EPN2: variants seen among roughly 807,000 people sequenced by gnomAD.
EPN2 encodes the protein epsin-2.
In EPN2, 34 loss-of-function variants were observed where a neutral mutation model predicts 61.7. That is an observed-to-expected ratio of 0.55 (90% CI 0.42 to 0.73). The LOEUF (loss-of-function observed/expected upper bound fraction) is 0.73. Among genes scored for constraint, EPN2 ranks in the 30% least tolerant of loss-of-function variants. The pLI is 0.00. For synonymous variants in EPN2, 349 were observed against 353.6 expected (o/e 0.99, Z 0.15); for missense variants, 714 against 839.2 (o/e 0.85, Z 1.84).
At chr17:19,239,645 A>T (rs920746863) in intron 1 of EPN2, among the ~76,000 whole-genome samples, 9 of 152,226 alleles carry the variant, frequency 5.9e-5, no homozygotes, top group African/African-American at 2.2e-4. Context: ...ACTGCGTCCC[A>T]CAAGTCCCCG....
chr17:19,307,819 A>T, intron 4 of EPN2: 1 of 767,702 alleles, frequency 1.3e-6, no homozygotes, highest in Non-Finnish European at 1.6e-6. Flanking sequence ...TCTTCTGTGG[A>T]TCCCGTCTGT....
chr17:19,278,534 C>G (rs529466439), intron 1 of EPN2, among the ~76,000 whole-genome samples: 1 of 152,146 alleles, frequency 6.6e-6, no homozygotes, highest in African/African-American at 2.4e-5. Flanking sequence ...AAGACTGGCC[C>G]GCATAATTCA....
chr17:19,305,028 G>C (rs902820006), intron 4 of EPN2, among the ~76,000 whole-genome samples: 2 of 152,242 alleles, frequency 1.3e-5, no homozygotes, highest in South Asian at 4.1e-4. Flanking sequence ...TGACGCTCAC[G>C]TACCAGTGCA....
At chr17:19,327,711 C>G (rs986009498) in intron 7 of EPN2, among the ~76,000 whole-genome samples, 4 of 152,070 alleles carry the variant, frequency 2.6e-5, no homozygotes, top group Non-Finnish European at 5.9e-5. Flanking sequence ...GACACACATA[C>G]ATATACATAA....
At chr17:19,323,002 C>T (rs1332697618) in intron 7 of EPN2, among the ~76,000 whole-genome samples, 2 of 152,112 alleles carry the variant, frequency 1.3e-5, no homozygotes, top group Non-Finnish European at 2.9e-5. Flanking sequence ...GGGGAGCATT[C>T]CCTGGTCTTC....
In EPN2 at chr17:19,328,711, G is replaced by T; in HGVS notation, c.1148G>T (p.Gly383Val). Residue 383 changes from glycine to valine, a missense_variant and splice_region_variant, in exon 8 of 11, where the codon GGT (glycine) becomes GTT (valine). Gly to Val is a moderately radical substitution (Grantham distance 109). This residue lies in a region of EPN2 where 410 missense variants were observed against 421.8 expected (regional missense o/e 0.97). Coordinates refer to ENST00000314728, the MANE Select transcript of EPN2 (RefSeq NM_014964.5). ...GAGCCCTGACCCTGCCTTCCAACAG[G>T]TACCAAGCCAGCTGCCTCCATTGAC... ...ASTSDPWPSF[G>V]TKPAASIDPW... The T allele has an allele frequency of 6.2e-7, 1 of 1,604,620 alleles. No homozygotes were observed. Among genetic ancestry groups the T allele is most frequent in the East Asian group, 2.2e-5 (1 of 44,604 alleles).
At chr17:19,332,176 T>A (rs908581746) in intron 10 of EPN2, 108 bp downstream of exon 10, 2 of 824,154 alleles carry the variant, frequency 2.4e-6, no homozygotes, top group African/African-American at 1.7e-5. Flanking sequence ...GGGGTGGGAC[T>A]AGCTGGAATC....
chr17:19,289,718 C>T (rs1463542633), intron 4 of EPN2, among the ~76,000 whole-genome samples: 4 of 79,990 alleles, frequency 5.0e-5, no homozygotes, highest in South Asian at 4.9e-4. Flanking sequence ...TCACCTGGCG[C>T]TCATGGTTTT....
At chr17:19,278,164 C>T (rs887599481) in intron 1 of EPN2, among the ~76,000 whole-genome samples, 4 of 151,770 alleles carry the variant, frequency 2.6e-5, no homozygotes, top group African/African-American at 7.3e-5. Context: ...TTTTTAGAGA[C>T]GGGGTCTCGC....
At chr17:19,248,144 G>T (rs2044973224) in intron 1 of EPN2, among the ~76,000 whole-genome samples, 1 of 152,222 alleles carries the variant, frequency 6.6e-6, no homozygotes, top group African/African-American at 2.4e-5. Flanking sequence ...GAAGTAATGT[G>T]GTGCGGGGAC....
At chr17:19,250,767 C>A (rs887018366) in intron 1 of EPN2, among the ~76,000 whole-genome samples, 10 of 152,110 alleles carry the variant, frequency 6.6e-5, no homozygotes, top group African/African-American at 2.4e-4. Flanking sequence ...ACACAGAGTC[C>A]AGTCAGGGCA....
chr17:19,273,554 G>A (rs1011880442), intron 1 of EPN2, among the ~76,000 whole-genome samples: 1 of 152,096 alleles, frequency 6.6e-6, no homozygotes, highest in Non-Finnish European at 1.5e-5. Context: ...TTTATAGACA[G>A]GGTCTTGCTA....
chr17:19,285,690 A>G lies in EPN2; in HGVS notation c.666A>G (p.Pro222=). ...TGGGTCAGAGTGAGGAGCTGCAGCC[A>G]CTGAGCCAGCGCCACCCCTTCCTGC... is the stretch of plus-strand genomic sequence containing the variant. ...APLGQSEELQ[P]LSQRHPFLPH... Residue 222 remains proline, a synonymous_variant, in exon 4 of 11, where the codon CCA becomes CCG. Transcript: ENST00000314728. This position sits in a 1 kb window ranked among gnomAD's most constrained non-coding sequence, Gnocchi z 4.5. The G allele has an allele frequency of 6.3e-7, 1 of 1,589,660 alleles. No individual in the cohort carries two copies. The highest frequency in any genetic ancestry group is 8.6e-7 in the Non-Finnish European group (1 of 1,169,198).
intron 4 of EPN2, among the ~76,000 whole-genome samples, chr17:19,295,845 G>A (rs2045514847): frequency 6.6e-6 from 1 of 152,180 alleles, no homozygotes; most frequent in Admixed American, 6.5e-5. Context: ...TGACAGCAGT[G>A]TGCTGGGGGC....
intron 1 of EPN2, among the ~76,000 whole-genome samples, chr17:19,264,727 G>A (rs989712664): frequency 1.3e-5 from 2 of 152,284 alleles, no homozygotes; most frequent in Non-Finnish European, 2.9e-5. Context: ...AGAGAGAAAG[G>A]GGGGAGTGTG....
intron 1 of EPN2, among the ~76,000 whole-genome samples, chr17:19,250,075 A>C (rs2044997396): frequency 6.6e-6 from 1 of 151,740 alleles, no homozygotes; most frequent in Non-Finnish European, 1.5e-5. Context: ...TATGTTTTAA[A>C]GTCAGCTGAT....
At chr17:19,299,984 C>T (rs1446144384) in intron 4 of EPN2, among the ~76,000 whole-genome samples, 8 of 152,208 alleles carry the variant, frequency 5.3e-5, no homozygotes, top group South Asian at 2.1e-4. Flanking sequence ...GTAAAGCTGA[C>T]GTGGCCCCTG....
At chr17:19,289,671 G>C (rs1378796011) in intron 4 of EPN2, among the ~76,000 whole-genome samples, 2 of 149,818 alleles carry the variant, frequency 1.3e-5, no homozygotes, top group African/African-American at 4.9e-5. Context: ...AAGTTGTCAG[G>C]GCATGGACAG....
At chr17:19,250,593 C>T (rs956523824) in intron 1 of EPN2, among the ~76,000 whole-genome samples, 1 of 152,158 alleles carries the variant, frequency 6.6e-6, no homozygotes, top group Non-Finnish European at 1.5e-5. Flanking sequence ...ACTTGGCAGC[C>T]TGGGGCCTGT....
Sources: gnomAD v4.1 joint callset for allele counts (sites outside exome capture counted in the v4.1 genomes callset) on GRCh38, gnomAD v4.1.1 for gene constraint, gnomAD v4.1.1 regional missense constraint, Gnocchi (gnomAD v3.1) non-coding constraint, MANE v1.5 for transcripts, NCBI Gene and HGNC (gene_info 2026-07-23, HGNC 2026-07-21) for gene names.